The following EYS variants were observed in gnomAD, a reference collection of about 807,000 sequenced individuals.
EYS encodes protein eyes shut homolog.
EYS carries 250 observed loss-of-function variants against 282.1 expected under a neutral mutation model. The ratio of observed to expected loss-of-function variants is 0.89; its 90% CI spans 0.80 to 0.98. The LOEUF is 0.98. Ranked by LOEUF, EYS falls within the 50% of genes least tolerant of loss-of-function variation. The pLI is 0.00. For synonymous variants in EYS, 1,355 were observed against 1,282.9 expected, an observed-to-expected ratio of 1.06 and a Z score of -1.20; for missense variants, 4,016 against 3,709.0, an observed-to-expected ratio of 1.08 and a Z score of -2.15.
At chr6:65,345,654 T>C (rs2150321177) in intron 9 of EYS, among the ~76,000 whole-genome samples, 1 of 151,900 alleles carries the variant, frequency 6.6e-6, no homozygotes, top group Admixed American at 6.6e-5. Flanking sequence ...TTGTCCAATT[T>C]ATTAGTATAA....
At chr6:64,776,745 G>T (rs944053458) in intron 22 of EYS, among the ~76,000 whole-genome samples, 1 of 152,040 alleles carries the variant, frequency 6.6e-6, no homozygotes, top group African/African-American at 2.4e-5. Flanking sequence ...AATAACACTT[G>T]CCACACTGTC....
At chr6:63,995,391 C>T (rs1345905848) in intron 34 of EYS, among the ~76,000 whole-genome samples, 4 of 151,898 alleles carry the variant, frequency 2.6e-5, no homozygotes, top group African/African-American at 7.2e-5. Flanking sequence ...TTACCCAAAC[C>T]AGAAAATAAC....
intron 22 of EYS, among the ~76,000 whole-genome samples, chr6:64,790,355 A>C (rs1007405313): frequency 6.6e-6 from 1 of 151,944 alleles, no homozygotes; most frequent in African/African-American, 2.4e-5. Flanking sequence ...TGAAAAACAA[A>C]TGAAGTATAA....
At chr6:64,340,429 CAACT>C (rs1169165347) in intron 29 of EYS, among the ~76,000 whole-genome samples, 2 of 151,660 alleles carry the variant, frequency 1.3e-5, no homozygotes, top group Non-Finnish European at 2.9e-5. Context: ...CACCTACAAC[CAACT>C]GATTTTTAAC....
intron 12 of EYS, among the ~76,000 whole-genome samples, chr6:65,218,604 G>C (rs1766378317): frequency 6.6e-6 from 1 of 152,058 alleles, no homozygotes; most frequent in South Asian, 2.1e-4. Flanking sequence ...GGTACCTGTT[G>C]ATCCTGAAAT....
At chr6:65,232,595 T>C (rs575649702) in intron 12 of EYS, among the ~76,000 whole-genome samples, 6 of 152,216 alleles carry the variant, frequency 3.9e-5, no homozygotes, top group East Asian at 3.9e-4. Flanking sequence ...ACCCAGTTTC[T>C]CCTCTTATTA....
At chr6:64,804,404 T>G (rs1016338954) in intron 22 of EYS, among the ~76,000 whole-genome samples, 2 of 152,184 alleles carry the variant, frequency 1.3e-5, no homozygotes, top group East Asian at 1.9e-4. Flanking sequence ...TTACCAAAAT[T>G]TAAATGGTGA....
chr6:64,566,223 C>G (rs912121825), intron 26 of EYS, among the ~76,000 whole-genome samples: 2 of 152,026 alleles, frequency 1.3e-5, no homozygotes, highest in African/African-American at 2.4e-5. Flanking sequence ...AAACTGTAGA[C>G]AAACAAATGG....
intron 22 of EYS, among the ~76,000 whole-genome samples, chr6:64,765,009 T>G (rs1773279258): frequency 6.6e-6 from 1 of 152,212 alleles, no homozygotes; most frequent in Admixed American, 6.5e-5. Context: ...AGTGCTGGGA[T>G]TATAGGCGTC....
chr6:64,934,543 C>T (rs1467618633), intron 15 of EYS, among the ~76,000 whole-genome samples: 1 of 151,642 alleles, frequency 6.6e-6, no homozygotes, highest in Non-Finnish European at 1.5e-5. Flanking sequence ...CAAGGATCCT[C>T]ATAAGAATAA....
chr6:65,638,853 A>G (rs1767181593), intron 2 of EYS, among the ~76,000 whole-genome samples: 1 of 152,216 alleles, frequency 6.6e-6, no homozygotes, highest in African/African-American at 2.4e-5. Flanking sequence ...GGCCCAAGCA[A>G]AACTCAGGCA....
chr6:65,595,977 G>A (rs1359537109), intron 2 of EYS, among the ~76,000 whole-genome samples: 2 of 152,038 alleles, frequency 1.3e-5, no homozygotes, highest in African/African-American at 4.8e-5. Context: ...CTATCTCAGT[G>A]GAAAAACAGC....
chr6:64,298,208 ATAAT>A (rs1163669214), intron 30 of EYS, among the ~76,000 whole-genome samples: 1 of 152,148 alleles, frequency 6.6e-6, no homozygotes, highest in Non-Finnish European at 1.5e-5. Flanking sequence ...TTGTTTTATA[ATAAT>A]TTCTAATAAT....
intron 33 of EYS, among the ~76,000 whole-genome samples, chr6:64,026,423 T>G (rs1769515590): frequency 6.6e-6 from 1 of 152,186 alleles, no homozygotes; most frequent in Admixed American, 6.5e-5. Context: ...GGGACCAATT[T>G]GACCTATAAA....
At chr6:65,346,929 G>T (rs1272987011) in intron 9 of EYS, among the ~76,000 whole-genome samples, 1 of 151,694 alleles carries the variant, frequency 6.6e-6, no homozygotes, top group Non-Finnish European at 1.5e-5. Context: ...ATGTATCTCA[G>T]TCCTAGATGA....
chr6:65,428,571 T>A (rs778744726), intron 5 of EYS, among the ~76,000 whole-genome samples: 1 of 152,010 alleles, frequency 6.6e-6, no homozygotes, highest in Non-Finnish European at 1.5e-5. Context: ...GCCAAATCTA[T>A]GCTGTTTTTT....
At chr6:63,832,965 C>A (rs1771688631) in intron 36 of EYS, among the ~76,000 whole-genome samples, 1 of 152,124 alleles carries the variant, frequency 6.6e-6, no homozygotes, top group Non-Finnish European at 1.5e-5. Context: ...AAGACAAAAA[C>A]CACATGACTA....
intron 12 of EYS, among the ~76,000 whole-genome samples, chr6:65,232,745 G>C (rs1229177172): frequency 1.3e-5 from 2 of 151,960 alleles, no homozygotes; most frequent in Non-Finnish European, 2.9e-5. Flanking sequence ...TTCCAAATTA[G>C]GTCATATTCT....
chr6:64,681,941 T>C (rs888811593), intron 22 of EYS, among the ~76,000 whole-genome samples: 1 of 152,132 alleles, frequency 6.6e-6, no homozygotes, highest in African/African-American at 2.4e-5. Flanking sequence ...TCCTTGTGAC[T>C]TAACAGCTGC....
Sources: allele counts gnomAD v4.1 joint callset (sites outside exome capture counted in the v4.1 genomes callset), GRCh38; gene constraint gnomAD v4.1.1; transcripts MANE v1.5; gene names NCBI Gene and HGNC (gene_info 2026-07-23, HGNC 2026-07-21).